The following BCL7A variants were observed in gnomAD, a reference collection of about 807,000 sequenced individuals.
BCL7A encodes BAF chromatin remodeling complex subunit BCL7A, also known as B-cell CLL/lymphoma 7 protein family member A.
In BCL7A, 11 loss-of-function variants were observed where a neutral mutation model predicts 28.4. The observed-to-expected ratio is 0.39, with a 90% CI of 0.24 to 0.64. The LOEUF (loss-of-function observed/expected upper bound fraction) is 0.64, where lower values mean the gene tolerates loss of function less well. Among genes scored for constraint, BCL7A ranks in the 30% least tolerant of loss-of-function variants. The pLI, the probability that BCL7A is intolerant of heterozygous loss-of-function variation, is 0.50. For synonymous variants in BCL7A, 123 were observed against 103.3 expected, an observed-to-expected ratio of 1.19 and a Z score of -1.15; for missense variants, 222 against 274.8, an observed-to-expected ratio of 0.81 and a Z score of 1.36.
intron 4 of BCL7A, among the ~76,000 whole-genome samples, chr12:122,049,225 TAA>T (rs72232692): frequency 1.5e-4 from 18 of 119,700 alleles, no homozygotes; most frequent in Admixed American, 3.6e-4. Context: ...GACCCTGTCT[TAA>T]AAAAAAAAAA....
chr12:122,045,558 AGT>A, intron 4 of BCL7A, among the ~76,000 whole-genome samples: 1 of 151,800 alleles, frequency 6.6e-6, no homozygotes, highest in African/African-American at 2.4e-5. Context: ...ATTGTGTGAG[AGT>A]GTGTGTGTGA....
chr12:122,035,490 C>T, intron 3 of BCL7A, 63 bp downstream of exon 3: 5 of 1,456,172 alleles, frequency 3.4e-6, no homozygotes, highest in Non-Finnish European at 4.8e-6. Flanking sequence ...AGCACTCGGT[C>T]ATGTTTTTGT....
At chr12:122,046,835 G>A (rs1884086012) in intron 4 of BCL7A, among the ~76,000 whole-genome samples, 1 of 151,798 alleles carries the variant, frequency 6.6e-6, no homozygotes, top group South Asian at 2.1e-4. Context: ...CGCTTGCCTT[G>A]TGTTACCTCA....
At position 122,059,262 on chromosome 12, in the gene BCL7A, GAAC is replaced by G. The variant is rs773170697; in HGVS notation, c.*100_*102del. On this transcript the variant is annotated 3_prime_UTR_variant, in exon 6 of 6. Coordinates refer to ENST00000261822, the MANE Select transcript of BCL7A (RefSeq NM_001024808.3). This position sits in a 1 kb window ranked among gnomAD's most constrained non-coding sequence, Gnocchi z 4.0. ...CAGCGATTCCTCTTGGGTGCGAACA[GAAC>G]TACTAACGTTTCAAGTTTACCAAGT... is the stretch of plus-strand genomic sequence containing the variant. The G allele has an allele frequency of 3.4e-5, 38 of 1,132,064 alleles. No homozygotes were observed. Among genetic ancestry groups the G allele is most frequent in the Non-Finnish European group, 4.7e-5 (36 of 767,930 alleles). 70.1% of individuals were successfully genotyped at this position (1,132,064 alleles called of 1,614,324 possible).
intron 5 of BCL7A, among the ~76,000 whole-genome samples, chr12:122,057,624 G>A (rs1022086469): frequency 2.0e-5 from 3 of 152,078 alleles, no homozygotes; most frequent in East Asian, 1.9e-4. Flanking sequence ...GGATGGCTGC[G>A]GTCAGGAGTT....
chr12:122,058,986 G>A (rs1951897897), intron 5 of BCL7A, 106 bp from the exon 6 acceptor site: 1 of 942,408 alleles, frequency 1.1e-6, no homozygotes, highest in Non-Finnish European at 1.7e-6. Context: ...GAACCACAAA[G>A]CCGCCCCCGC....
At chr12:122,041,810 G>A (rs1883970424) in intron 3 of BCL7A, among the ~76,000 whole-genome samples, 1 of 152,190 alleles carries the variant, frequency 6.6e-6, no homozygotes, top group Non-Finnish European at 1.5e-5. Flanking sequence ...GCTTACTCCT[G>A]TAATCCCAGC....
At chr12:122,022,750 G>C (rs1593019430) in intron 1 of BCL7A, among the ~76,000 whole-genome samples, 1 of 150,684 alleles carries the variant, frequency 6.6e-6, no homozygotes, top group East Asian at 2.0e-4. Context: ...TCGAGTCTGC[G>C]GAGTTTGCAG....
At chr12:122,033,602 A>G (rs912809179) in intron 2 of BCL7A, among the ~76,000 whole-genome samples, 1 of 152,074 alleles carries the variant, frequency 6.6e-6, no homozygotes, top group African/African-American at 2.4e-5. Flanking sequence ...GTGAGCCACC[A>G]CGCCCAGCCA....
chr12:122,028,493 G>T (rs192219693), intron 1 of BCL7A, among the ~76,000 whole-genome samples: 1 of 151,804 alleles, frequency 6.6e-6, no homozygotes, highest in Admixed American at 6.6e-5. Context: ...CATGAGTAAT[G>T]AATGGCTTTG....
At chr12:122,049,031 A>ATAT (rs1383363229) in intron 4 of BCL7A, among the ~76,000 whole-genome samples, 1,158 of 69,476 alleles carry the variant, frequency 0.017, 4 homozygotes, top group Non-Finnish European at 0.026. Context: ...AAAAAAAAAA[A>ATAT]AAAAATATAT....
intron 1 of BCL7A, among the ~76,000 whole-genome samples, chr12:122,024,111 C>G (rs576593363): frequency 6.6e-6 from 1 of 152,262 alleles, no homozygotes; most frequent in African/African-American, 2.4e-5. Flanking sequence ...CCTTCCAGCC[C>G]GCTGACCCCG....
Position 122,043,888 on chromosome 12 carries a change from G to C in BCL7A, c.274G>C (p.Asp92His). The change falls in exon 4 of 6, where the codon GAT becomes CAT. Residue 92 changes from aspartate (D) to histidine (H), a missense_variant and splice_region_variant. Coordinates refer to ENST00000261822, the MANE Select transcript of BCL7A (RefSeq NM_001024808.3). ...GGTTCTGTTCCCACCCCCTACAGAC[G>C]ATAACAGCAACCAGAGCTCCATCGC... ...SSPGMMDMHDDNSNQSSIADA... is the reference protein window; with the variant it reads ...SSPGMMDMHDHNSNQSSIADA... 6.2e-7 allele frequency: 1 copy of C among 1,612,646 alleles called. No individual in the cohort carries two copies.
At chr12:122,044,129 C>T in intron 4 of BCL7A, 76 bp downstream of exon 4, 4 of 1,509,972 alleles carry the variant, frequency 2.6e-6, no homozygotes, top group Admixed American at 2.0e-5. Context: ...CTAGGTGTTC[C>T]AGGAGGCCCT....
intron 1 of BCL7A, among the ~76,000 whole-genome samples, chr12:122,023,726 A>T (rs554422838): frequency 6.6e-6 from 1 of 152,174 alleles, no homozygotes; most frequent in Admixed American, 6.5e-5. Context: ...GACTGGAGCC[A>T]TTTAAAAATG....
At chr12:122,052,041 C>T (rs1433333118) in intron 4 of BCL7A, among the ~76,000 whole-genome samples, 2 of 151,654 alleles carry the variant, frequency 1.3e-5, no homozygotes, top group East Asian at 3.9e-4. Context: ...CACCCAGCTA[C>T]TTTTTATATT....
intron 3 of BCL7A, 54 bp from the exon 4 acceptor site, chr12:122,043,832 C>G (rs949060877): frequency 5.8e-6 from 9 of 1,538,928 alleles, no homozygotes; most frequent in Non-Finnish European, 7.9e-6. Flanking sequence ...CTGACCTACC[C>G]GTCCTTGGCA....
chr12:122,046,060 TAAAA>T (rs776315126), intron 4 of BCL7A, among the ~76,000 whole-genome samples: 2 of 62,864 alleles, frequency 3.2e-5, no homozygotes, highest in South Asian at 8.6e-4. Context: ...GAGACCTTGC[TAAAA>T]AAAAAAAAAA....
chr12:122,042,376 C>G (rs1056322407), intron 3 of BCL7A, among the ~76,000 whole-genome samples: 1 of 151,412 alleles, frequency 6.6e-6, no homozygotes, highest in Admixed American at 6.6e-5. Context: ...AGCTAGTGGC[C>G]GGGTGTGATG....
Sources: allele counts gnomAD v4.1 joint callset (sites outside exome capture counted in the v4.1 genomes callset), GRCh38; gene constraint gnomAD v4.1.1; non-coding constraint Gnocchi (gnomAD v3.1); transcripts MANE v1.5; gene names NCBI Gene and HGNC (gene_info 2026-07-23, HGNC 2026-07-21).